TNPO3: variants seen among roughly 807,000 people sequenced by gnomAD.
TNPO3 encodes transportin-3.
Under a neutral mutation model 122.8 loss-of-function variants are expected in TNPO3, and 65 were observed. That is an observed-to-expected ratio of 0.53 (90% CI 0.43 to 0.65). The LOEUF is 0.65. Ranked by LOEUF, TNPO3 falls within the 30% of genes least tolerant of loss-of-function variation. TNPO3 has a pLI of 0.00. For missense variants in TNPO3, 850 were observed against 1,136.7 expected, an observed-to-expected ratio of 0.75 and a Z score of 3.63; for synonymous variants, 372 against 411.2, an observed-to-expected ratio of 0.90 and a Z score of 1.15.
intron 1 of TNPO3, chr7:129,030,260 G>T: frequency 4.2e-6 from 1 of 237,006 alleles, no homozygotes; most frequent in South Asian, 6.5e-5. Flanking sequence ...GTTGAGCACT[G>T]TGATCTGCCC....
chr7:128,960,106 C>T (rs1797298430), intron 21 of TNPO3, among the ~76,000 whole-genome samples: 1 of 152,166 alleles, frequency 6.6e-6, no homozygotes, highest in South Asian at 2.1e-4. Flanking sequence ...GCATGTATGA[C>T]AGTGATCCTA....
intron 16 of TNPO3, 52 bp downstream of exon 16, chr7:128,978,931 C>T: frequency 6.2e-7 from 1 of 1,603,138 alleles, no homozygotes; most frequent in Non-Finnish European, 8.5e-7. Context: ...CGCACCCTGC[C>T]TATTTCAAAT....
At position 129,005,134 on chromosome 7, in the gene TNPO3, G is replaced by C. The variant is rs1802422165; in HGVS notation, c.578C>G (p.Thr193Arg). 1 of 1,613,564 alleles carries C rather than the reference G, an allele frequency of 6.2e-7. No individual in the cohort carries two copies. The highest frequency in any genetic ancestry group is 1.1e-5 in the South Asian group (1 of 91,002). Residue 193 changes from threonine to arginine, a missense_variant, in exon 5 of 23, where the codon ACA becomes AGA. Physicochemically the swap from Thr to Arg is moderately conservative, Grantham distance 71. Coordinates refer to ENST00000265388, the MANE Select transcript of TNPO3 (RefSeq NM_012470.4). The stretch of plus-strand genomic sequence containing the variant: ...AACCTTCATAAGCATTTTCTCATCT[G>C]TTCCTGCTTTTTCTACACAGGTCAT... ...LLMTCVEKAGTDEKMLMKVFR... is the reference protein window; with the variant it reads ...LLMTCVEKAGRDEKMLMKVFR...
chr7:129,046,993 T>A (rs1201362122), intron 1 of TNPO3, among the ~76,000 whole-genome samples: 1 of 152,178 alleles, frequency 6.6e-6, no homozygotes, highest in Non-Finnish European at 1.5e-5. Context: ...CCAAACCATA[T>A]CAACCCAAGA....
In TNPO3 at chr7:129,039,564, A is replaced by T. The variant is rs563223380; in HGVS notation, c.120+15087T>A. On this transcript the variant is annotated intron_variant, in intron 1 of 22. Coordinates refer to ENST00000265388, the MANE Select transcript of TNPO3 (RefSeq NM_012470.4). ...GACAGAGGAAGATTCTGTCTAAAAAAAAATAAATAAATAAGAGTTATCATA... is the reference window on the plus strand; with the variant it reads ...GACAGAGGAAGATTCTGTCTAAAAATAAATAAATAAATAAGAGTTATCATA... Among the ~76,000 whole-genome samples the T allele has an allele frequency of 5.8e-4, 89 of 152,278 alleles. 1 individual carries two copies. Among genetic ancestry groups the T allele is most frequent in the Non-Finnish European group, 9.6e-4 (65 of 68,036 alleles).
At chr7:129,026,652 C>T (rs968993506) in intron 1 of TNPO3, among the ~76,000 whole-genome samples, 5 of 152,046 alleles carry the variant, frequency 3.3e-5, no homozygotes, top group African/African-American at 1.2e-4. Context: ...GATCTGCCCG[C>T]CTTGGTCTCC....
intron 12 of TNPO3, among the ~76,000 whole-genome samples, chr7:128,985,209 C>T (rs1354192091): frequency 1.3e-5 from 2 of 152,128 alleles, no homozygotes; most frequent in East Asian, 3.8e-4. Context: ...AAGCCATAGA[C>T]GAGTTAGACT....
At chr7:129,024,960 T>C (rs966010771) in intron 1 of TNPO3, among the ~76,000 whole-genome samples, 2 of 151,606 alleles carry the variant, frequency 1.3e-5, no homozygotes, top group Non-Finnish European at 2.9e-5. Context: ...ATGACCACAC[T>C]ACGCACTCCA....
At chr7:128,993,973 T>C in intron 8 of TNPO3, 59 bp from the exon 9 acceptor site, 1 of 1,443,336 alleles carries the variant, frequency 6.9e-7, no homozygotes, top group Non-Finnish European at 9.6e-7. Flanking sequence ...CAATGACCTC[T>C]ATAAAATCAA....
At chr7:129,053,160 C>A (rs1324424289) in intron 1 of TNPO3, among the ~76,000 whole-genome samples, 1 of 151,970 alleles carries the variant, frequency 6.6e-6, no homozygotes, top group East Asian at 1.9e-4. Flanking sequence ...CCCGTTTCTA[C>A]TAAAAAATAC....
chr7:129,014,342 G>A (rs1052758841), intron 4 of TNPO3, among the ~76,000 whole-genome samples: 10 of 152,094 alleles, frequency 6.6e-5, no homozygotes, highest in Non-Finnish European at 1.2e-4. Context: ...AGGCAACATG[G>A]AGAGACACCA....
intron 1 of TNPO3, among the ~76,000 whole-genome samples, chr7:129,024,901 C>T (rs924004918): frequency 4.6e-5 from 7 of 152,070 alleles, no homozygotes; most frequent in African/African-American, 1.7e-4. Context: ...ACTCAGGAGG[C>T]TGAGGGGAAG....
intron 4 of TNPO3, among the ~76,000 whole-genome samples, chr7:129,007,681 T>C (rs60857028): frequency 0.026 from 3,968 of 152,378 alleles, 96 homozygotes; most frequent in East Asian, 0.065. Flanking sequence ...ATTGTGCATA[T>C]TGCATTATAT....
At chr7:128,977,012 C>T (rs982527605) in intron 16 of TNPO3, among the ~76,000 whole-genome samples, 1 of 152,080 alleles carries the variant, frequency 6.6e-6, no homozygotes, top group Non-Finnish European at 1.5e-5. Context: ...CAGTGTAGCA[C>T]AAAAATGACC....
chr7:128,965,895 A>T (rs1032065080), intron 21 of TNPO3, among the ~76,000 whole-genome samples: 2 of 152,188 alleles, frequency 1.3e-5, no homozygotes, highest in African/African-American at 4.8e-5. Flanking sequence ...CTCAAACATT[A>T]AGTACGAAGT....
At chr7:129,028,218 A>G (rs1805494256) in intron 1 of TNPO3, among the ~76,000 whole-genome samples, 2 of 152,200 alleles carry the variant, frequency 1.3e-5, no homozygotes, top group African/African-American at 4.8e-5. Context: ...TTCTGTGTTT[A>G]TGTTTAGAAA....
intron 1 of TNPO3, among the ~76,000 whole-genome samples, chr7:129,044,121 A>G (rs1417023265): frequency 6.6e-6 from 1 of 152,244 alleles, no homozygotes; most frequent in Non-Finnish European, 1.5e-5. Context: ...CTGAATGCTT[A>G]TTTATATAAA....
intron 1 of TNPO3, among the ~76,000 whole-genome samples, chr7:129,026,125 C>CAA (rs57663203): frequency 5.0e-5 from 5 of 99,126 alleles, no homozygotes; most frequent in Admixed American, 1.1e-4. Flanking sequence ...GACTCCGTCT[C>CAA]AAAAAAAAAA....
Position 128,997,374 on chromosome 7 carries a change from G to A in TNPO3, c.1158+15C>T, listed in dbSNP as rs752491929. The A allele has an allele frequency of 6.2e-7, 1 of 1,613,394 alleles. No individual in the cohort carries two copies. The highest frequency in any genetic ancestry group is 8.5e-7 in the Non-Finnish European group (1 of 1,179,762). The stretch of plus-strand genomic sequence containing the variant: ...GAAGAAATTAAGATTTGAAGAGGTA[G>A]AGAAGGGAACTTACATGGTCTGGTT... On this transcript the variant is annotated intron_variant, in intron 8 of 22. Coordinates refer to ENST00000265388, the MANE Select transcript of TNPO3 (RefSeq NM_012470.4).
Sources: allele counts gnomAD v4.1 joint callset (sites outside exome capture counted in the v4.1 genomes callset), GRCh38; gene constraint gnomAD v4.1.1; transcripts MANE v1.5; gene names NCBI Gene and HGNC (gene_info 2026-07-23, HGNC 2026-07-21).